PVT1: variants seen among roughly 807,000 people sequenced by gnomAD.
PVT1 encodes CXCR4/PVT1 fusion.
At chr8:128,061,458 G>A (rs1414461463) in intron 4 of PVT1, among the ~76,000 whole-genome samples, 1 of 152,196 alleles carries the variant, frequency 6.6e-6, no homozygotes, top group Non-Finnish European at 1.5e-5. Context: ...ATTCTGCTCT[G>A]AAGGTTCGTA....
chr8:128,076,223 A>C (rs142520666), intron 5 of PVT1, among the ~76,000 whole-genome samples: 21 of 152,264 alleles, frequency 1.4e-4, no homozygotes, highest in African/African-American at 4.8e-4. Flanking sequence ...TTATCTGCAC[A>C]ATGGACCCAG....
intron 2 of PVT1, among the ~76,000 whole-genome samples, chr8:127,860,799 G>A (rs199957642): frequency 7.6e-6 from 1 of 131,060 alleles, no homozygotes; most frequent in Non-Finnish European, 1.8e-5. Flanking sequence ...AAGACAAGGC[G>A]ACAACTGTGA....
chr8:127,940,427 C>T (rs1816333946), intron 3 of PVT1: 1 of 152,174 alleles, frequency 6.6e-6, no homozygotes, highest in Admixed American at 6.5e-5. Flanking sequence ...CGGTTCTGCT[C>T]CTTGCTGGCT....
At chr8:127,800,794 GC>G (rs1814455330) in intron 2 of PVT1, among the ~76,000 whole-genome samples, 1 of 152,200 alleles carries the variant, frequency 6.6e-6, no homozygotes, top group Non-Finnish European at 1.5e-5. Flanking sequence ...CCATGCTAGA[GC>G]TTAGGTTACA....
At chr8:128,000,760 A>G (rs1442312855) in intron 4 of PVT1, among the ~76,000 whole-genome samples, 2 of 152,126 alleles carry the variant, frequency 1.3e-5, no homozygotes, top group Non-Finnish European at 2.9e-5. Flanking sequence ...TGTTTATTCC[A>G]TACTTGGAAC....
intron 2 of PVT1, among the ~76,000 whole-genome samples, chr8:127,890,216 C>G (rs1376715120): frequency 6.6e-6 from 1 of 152,220 alleles, no homozygotes; most frequent in Non-Finnish European, 1.5e-5. Flanking sequence ...AGGGACCTCT[C>G]AGCCCTGCAG....
At chr8:128,024,209 A>G (rs1364360772) in intron 4 of PVT1, among the ~76,000 whole-genome samples, 1 of 152,242 alleles carries the variant, frequency 6.6e-6, no homozygotes, top group Admixed American at 6.5e-5. Flanking sequence ...GCCGAAGGCT[A>G]CACGGCAGTG....
rs539672540 is a variant in PVT1, at chr8:127,856,078, T to G, written n.373-34511T>G. Among the ~76,000 whole-genome samples the G allele has an allele frequency of 1.1e-4, 16 of 152,344 alleles. No homozygotes were observed. The East Asian group carries it at 3.1e-3, about 29-fold the overall frequency. ...TTTATCAAAAGTAGAGCAAGAAACT[T>G]GAGGACTCTGTTTCTAGAAAAATGA... On this transcript the variant is annotated intron_variant and non_coding_transcript_variant, in intron 2 of 10. Transcript: ENST00000651587.
chr8:128,015,091 A>AT (rs369418776), intron 4 of PVT1, among the ~76,000 whole-genome samples: 47 of 139,208 alleles, frequency 3.4e-4, no homozygotes, highest in African/African-American at 1.1e-3. Context: ...TTATTTATTT[A>AT]TTATTTATTT....
At chr8:127,832,840 A>T (rs139587909) in intron 2 of PVT1, among the ~76,000 whole-genome samples, 430 of 152,322 alleles carry the variant, frequency 2.8e-3, no homozygotes, top group African/African-American at 9.7e-3. Flanking sequence ...CCTGGGCGAC[A>T]GAGTGAGACT....
chr8:127,923,703 G>A (rs1381299302), intron 3 of PVT1, among the ~76,000 whole-genome samples: 1 of 152,194 alleles, frequency 6.6e-6, no homozygotes, highest in South Asian at 2.1e-4. Context: ...TTCCACGGGA[G>A]CTGGGAAGAG....
chr8:127,879,907 A>C (rs976213829), intron 2 of PVT1, among the ~76,000 whole-genome samples: 1 of 152,230 alleles, frequency 6.6e-6, no homozygotes, highest in African/African-American at 2.4e-5. Flanking sequence ...CTGCATCTGC[A>C]GGTCTTCGCT....
intron 3 of PVT1, among the ~76,000 whole-genome samples, chr8:127,914,829 T>C (rs1668692083): frequency 6.6e-6 from 1 of 151,524 alleles, no homozygotes; most frequent in South Asian, 2.1e-4. Context: ...TTTTTTTTTT[T>C]TTTTTGAGAC....
intron 2 of PVT1, among the ~76,000 whole-genome samples, chr8:127,838,534 G>A (rs927665367): frequency 1.3e-5 from 2 of 152,008 alleles, no homozygotes; most frequent in Non-Finnish European, 2.9e-5. Flanking sequence ...GTGAAACCCC[G>A]TTTCTACTAA....
chr8:128,015,116 G>C (rs111361387), intron 4 of PVT1, among the ~76,000 whole-genome samples: 2,257 of 151,476 alleles, frequency 0.015, 52 homozygotes, highest in African/African-American at 0.051. Flanking sequence ...TTGAGACAGG[G>C]TTTCACTCTG....
intron 2 of PVT1, among the ~76,000 whole-genome samples, chr8:127,796,636 C>T (rs990276228): frequency 5.9e-5 from 9 of 152,162 alleles, no homozygotes; most frequent in African/African-American, 2.2e-4. Flanking sequence ...GTTCTTTCCT[C>T]CTGTTTGTGT....
chr8:127,856,123 C>G (rs1347813520), intron 2 of PVT1, among the ~76,000 whole-genome samples: 1 of 152,300 alleles, frequency 6.6e-6, no homozygotes, highest in South Asian at 2.1e-4. Flanking sequence ...TCCCTCTTCT[C>G]TGAAAGGAAG....
intron 4 of PVT1, among the ~76,000 whole-genome samples, chr8:128,055,439 A>G (rs1813751540): frequency 6.6e-6 from 1 of 152,226 alleles, no homozygotes; most frequent in Admixed American, 6.5e-5. Flanking sequence ...ATGCCAATAA[A>G]CACTAAACAA....
At chr8:127,968,519 C>T (rs1391583925) in intron 3 of PVT1, among the ~76,000 whole-genome samples, 1 of 152,122 alleles carries the variant, frequency 6.6e-6, no homozygotes. Flanking sequence ...ACAGTTGCCA[C>T]CAGGGACGCA....
Sources: allele counts gnomAD v4.1 joint callset (sites outside exome capture counted in the v4.1 genomes callset), GRCh38; gene constraint gnomAD v4.1.1; transcripts MANE v1.5; gene names NCBI Gene and HGNC (gene_info 2026-07-23, HGNC 2026-07-21).